The following BIRC6 variants were observed in gnomAD, a reference collection of about 807,000 sequenced individuals.
The protein encoded by BIRC6 is baculoviral IAP repeat containing 6.
BIRC6 carries 98 observed loss-of-function variants against 503.3 expected under a neutral mutation model. The ratio of observed to expected loss-of-function variants is 0.19; its 90% CI spans 0.17 to 0.23. BIRC6 has a LOEUF of 0.23. Ranked by LOEUF, BIRC6 falls within the 10% of genes least tolerant of loss-of-function variation. The probability of loss-of-function intolerance (pLI) is 1.00; values close to 1 mark genes in which losing one functional copy is unlikely to be tolerated. For missense variants in BIRC6, 5,360 were observed against 5,806.0 expected, an observed-to-expected ratio of 0.92 and a Z score of 2.50; for synonymous variants, 2,240 against 2,078.7, an observed-to-expected ratio of 1.08 and a Z score of -2.11.
intron 1 of BIRC6, among the ~76,000 whole-genome samples, chr2:32,362,045 A>G (rs2034175860): frequency 6.6e-6 from 1 of 152,182 alleles, no homozygotes; most frequent in Non-Finnish European, 1.5e-5. Flanking sequence ...ATTTGGGTAA[A>G]TACTAAGGAG....
At chr2:32,447,255 A>G (rs1317774209) in intron 21 of BIRC6, among the ~76,000 whole-genome samples, 16 of 145,112 alleles carry the variant, frequency 1.1e-4, no homozygotes, top group East Asian at 6.5e-4. Flanking sequence ...CCCATCCCCA[A>G]TGAGCCGCTG....
chr2:32,586,182 C>T (rs2061007110), intron 66 of BIRC6, among the ~76,000 whole-genome samples: 1 of 151,742 alleles, frequency 6.6e-6, no homozygotes, highest in Admixed American at 6.6e-5. Flanking sequence ...TAAATTTAAG[C>T]CTTAATTGGT....
In BIRC6 at chr2:32,468,420, A is replaced by G; in HGVS notation, c.5781-17A>G. 2.6e-6 allele frequency: 4 copies of G among 1,529,150 alleles called. No homozygotes were observed. The highest frequency in any genetic ancestry group is 1.8e-4 in the Middle Eastern group (1 of 5,642). The allele number at this position is 1,529,150 out of a possible 1,614,324, so 94.7% of individuals were successfully genotyped here. A position where few individuals can be genotyped will look rare whatever the true frequency, so the allele number is the denominator to read the frequency against. ...GACATTACAAGAATTATTTTGTTCAATCTTTTTTTACTTTAGGTATAACTT... is the reference window on the plus strand; with the variant it reads ...GACATTACAAGAATTATTTTGTTCAGTCTTTTTTTACTTTAGGTATAACTT... On this transcript the variant is annotated splice_polypyrimidine_tract_variant and intron_variant, in intron 28 of 73. Transcript: ENST00000421745.
In BIRC6 at chr2:32,468,624, G is replaced by A. The variant is rs1335514621; in HGVS notation, c.5968G>A (p.Ala1990Thr). The change falls in exon 29 of 74, where the codon GCA becomes ACA. Residue 1990 changes from alanine (A) to threonine (T), a missense_variant. Ala to Thr is a moderately conservative substitution (Grantham distance 58). This residue lies in a region of BIRC6 where 2,299 missense variants were observed against 2,267.2 expected (regional missense o/e 1.01). Transcript: ENST00000421745. ...GCTTCAACTAAATTTGGCTCATAATGCAGTGCAGAGGCTCAAAGTGGCGCT... is the reference window on the plus strand; with the variant it reads ...GCTTCAACTAAATTTGGCTCATAATACAGTGCAGAGGCTCAAAGTGGCGCT... ...LQLQLNLAHN[A>T]VQRLKVALGA... 2.6e-5 allele frequency: 42 copies of A among 1,613,874 alleles called. No individual in the cohort carries two copies. Among genetic ancestry groups the A allele is most frequent in the Non-Finnish European group, 3.1e-5 (36 of 1,179,880 alleles).
At chr2:32,495,550 A>G (rs2052337875) in intron 45 of BIRC6, among the ~76,000 whole-genome samples, 1 of 152,218 alleles carries the variant, frequency 6.6e-6, no homozygotes, top group Admixed American at 6.5e-5. Flanking sequence ...AATACTATCT[A>G]TTGGTCTTTG....
chr2:32,549,566 A>T (rs950003937), intron 65 of BIRC6, 85 bp downstream of exon 65: 12 of 1,160,552 alleles, frequency 1.0e-5, no homozygotes, highest in Non-Finnish European at 1.4e-5. Context: ...TTCAGTTGAA[A>T]TAGTTGATGG....
chr2:32,487,120 G>A (rs1572563128), intron 40 of BIRC6, among the ~76,000 whole-genome samples: 1 of 151,868 alleles, frequency 6.6e-6, no homozygotes, highest in African/African-American at 2.4e-5. Context: ...AATAAAATAA[G>A]GCTCTAAATA....
At chr2:32,471,309 G>C (rs2049070187) in intron 32 of BIRC6, among the ~76,000 whole-genome samples, 185 bp downstream of exon 32, 1 of 152,166 alleles carries the variant, frequency 6.6e-6, no homozygotes, top group African/African-American at 2.4e-5. Context: ...ATTTATACTT[G>C]GTGGACTTTA....
At chr2:32,472,677 T>C (rs1010876335) in intron 32 of BIRC6, among the ~76,000 whole-genome samples, 8 of 152,364 alleles carry the variant, frequency 5.3e-5, no homozygotes, top group Middle Eastern at 3.4e-3. Context: ...TAGACAGTTA[T>C]GCGTTCTGAA....
chr2:32,485,237 T>A (rs1297501969), intron 39 of BIRC6, among the ~76,000 whole-genome samples: 1 of 152,188 alleles, frequency 6.6e-6, no homozygotes, highest in Non-Finnish European at 1.5e-5. Context: ...GCATCTATAT[T>A]TCTGTATCTG....
At chr2:32,471,828 T>C (rs1026803600) in intron 32 of BIRC6, among the ~76,000 whole-genome samples, 3 of 152,184 alleles carry the variant, frequency 2.0e-5, no homozygotes, top group Admixed American at 1.3e-4. Flanking sequence ...TGTAAGCCAT[T>C]GAAATCCATA....
chr2:32,585,654 A>G (rs1388348756), intron 66 of BIRC6, among the ~76,000 whole-genome samples: 1 of 152,178 alleles, frequency 6.6e-6, no homozygotes, highest in Non-Finnish European at 1.5e-5. Context: ...TGCTGGGATT[A>G]CAGGTGTGAG....
chr2:32,585,093 A>G (rs1236010034), intron 66 of BIRC6, among the ~76,000 whole-genome samples: 2 of 152,062 alleles, frequency 1.3e-5, no homozygotes, highest in East Asian at 3.9e-4. Flanking sequence ...GAGTGGGAGG[A>G]AATAGTTTCC....
At chr2:32,513,350 T>C (rs906580155) in intron 54 of BIRC6, among the ~76,000 whole-genome samples, 196 bp downstream of exon 54, 4 of 152,256 alleles carry the variant, frequency 2.6e-5, no homozygotes, top group African/African-American at 9.6e-5. Context: ...ATGTTAGCAG[T>C]ACTGCCTTCT....
intron 65 of BIRC6, among the ~76,000 whole-genome samples, chr2:32,572,404 A>G (rs192749129): frequency 2.0e-5 from 3 of 152,294 alleles, no homozygotes; most frequent in South Asian, 2.1e-4. Context: ...AGCTTTCCCT[A>G]TTGAAAACAG....
intron 15 of BIRC6, 44 bp downstream of exon 15, chr2:32,436,228 G>T: frequency 7.5e-7 from 1 of 1,340,390 alleles, no homozygotes; most frequent in South Asian, 2.1e-5. Flanking sequence ...TAATACCACA[G>T]TTGTAAAAAA....
chr2:32,377,524 C>T lies in BIRC6; in HGVS notation c.326-64C>T, dbSNP rs2036990241. The T allele has an allele frequency of 4.5e-6, 6 of 1,324,282 alleles. No homozygotes were observed. The Admixed American group carries it at 1.6e-4, about 34-fold the overall frequency. 82.0% of individuals were successfully genotyped at this position (1,324,282 alleles called of 1,614,324 possible). A position where few individuals can be genotyped will look rare whatever the true frequency, so the allele number is the denominator to read the frequency against. On this transcript the variant is annotated intron_variant, in intron 1 of 73. Coordinates refer to ENST00000421745, the MANE Select transcript of BIRC6 (RefSeq NM_016252.4). ...ATATTGTGTTTAGTCACTATGTAAA[C>T]ATTTATTTTTAATAGACCATTGGCC...
intron 65 of BIRC6, among the ~76,000 whole-genome samples, chr2:32,567,256 C>T (rs2059599871): frequency 6.6e-6 from 1 of 152,230 alleles, no homozygotes; most frequent in Non-Finnish European, 1.5e-5. Flanking sequence ...AGGCGTGAGC[C>T]ACCACACCTG....
intron 15 of BIRC6, among the ~76,000 whole-genome samples, chr2:32,436,751 A>G (rs1383958420): frequency 6.6e-6 from 1 of 151,970 alleles, no homozygotes; most frequent in African/African-American, 2.4e-5. Context: ...TTTAGTAGAG[A>G]TGGGGTTTCA....
Sources: gnomAD v4.1 joint callset for allele counts (sites outside exome capture counted in the v4.1 genomes callset) on GRCh38, gnomAD v4.1.1 for gene constraint, gnomAD v4.1.1 regional missense constraint, MANE v1.5 for transcripts, NCBI Gene and HGNC (gene_info 2026-07-23, HGNC 2026-07-21) for gene names.